SIKE1: variants seen among roughly 807,000 people sequenced by gnomAD.
The protein encoded by SIKE1 is suppressor of IKBKE 1, also known as suppressor of IKK epsilon.
Under a neutral mutation model 25.8 loss-of-function variants are expected in SIKE1, and 13 were observed. The observed-to-expected ratio is 0.50, with a 90% CI of 0.33 to 0.80. The LOEUF (loss-of-function observed/expected upper bound fraction) is 0.80, where lower values mean the gene tolerates loss of function less well. Ranked by LOEUF, SIKE1 falls within the 30% of genes least tolerant of loss-of-function variation. The pLI, the probability that SIKE1 is intolerant of heterozygous loss-of-function variation, is 0.02. For missense variants in SIKE1, 222 were observed against 252.4 expected (o/e 0.88, Z 0.82); for synonymous variants, 86 against 95.5 (o/e 0.90, Z 0.58).
intron 3 of SIKE1, among the ~76,000 whole-genome samples, chr1:114,776,919 C>T (rs1662259076): frequency 1.3e-5 from 2 of 152,030 alleles, no homozygotes; most frequent in African/African-American, 2.4e-5. Context: ...TACTATGCAG[C>T]CATAAAAAAG....
intron 4 of SIKE1, among the ~76,000 whole-genome samples, chr1:114,776,079 T>C (rs756301226): frequency 3.3e-5 from 5 of 152,186 alleles, no homozygotes; most frequent in Non-Finnish European, 5.9e-5. Flanking sequence ...TTATCTCACA[T>C]ATAACTTCTC....
chr1:114,771,595 T>C lies in SIKE1; in HGVS notation c.*2676A>G, dbSNP rs186905937. On this transcript the variant is annotated 3_prime_UTR_variant, in exon 5 of 5. Transcript: ENST00000060969. ...ATGGTAGCTATTATTGGCAATACCA[T>C]ACATACTTTGCTTTTGTGGCACCAA... The C allele has an allele frequency of 1.3e-5, 2 of 152,298 alleles. No individual in the cohort carries two copies. Among genetic ancestry groups the C allele is most frequent in the Admixed American group, 1.3e-4 (2 of 15,296 alleles). 9.4% of individuals were successfully genotyped at this position (152,298 alleles called of 1,614,324 possible).
At chr1:114,776,238 G>A in intron 4 of SIKE1, 108 bp downstream of exon 4, 1 of 715,184 alleles carries the variant, frequency 1.4e-6, no homozygotes, top group Non-Finnish European at 2.4e-6. Flanking sequence ...TTTAAATCAT[G>A]AGCACACAGA....
At position 114,780,620 on chromosome 1, in the gene SIKE1, AC is replaced by A; in HGVS notation, c.-14del. 1 of 1,591,216 alleles carries A rather than the reference AC, an allele frequency of 6.3e-7. No individual in the cohort carries two copies. Among genetic ancestry groups the A allele is most frequent in the Non-Finnish European group, 8.6e-7 (1 of 1,167,802 alleles). The stretch of plus-strand genomic sequence containing the variant: ...TGGTGCAGCTCATAGCAGCAGCACC[AC>A]CCCAGCCCCTGCCGGGCTCAGCTAC... On this transcript the variant is annotated 5_prime_UTR_variant, in exon 1 of 5. Transcript: ENST00000060969.
intron 4 of SIKE1, among the ~76,000 whole-genome samples, chr1:114,774,805 G>A (rs981485889): frequency 6.6e-6 from 1 of 152,168 alleles, no homozygotes; most frequent in African/African-American, 2.4e-5. Flanking sequence ...TGGAAGGAAA[G>A]GGGGAAAGAA....
intron 4 of SIKE1, among the ~76,000 whole-genome samples, chr1:114,775,401 A>G (rs1002856116): frequency 5.3e-5 from 8 of 151,302 alleles, no homozygotes; most frequent in Non-Finnish European, 7.4e-5. Flanking sequence ...CTTCCACTAG[A>G]CTCTGGGCAG....
At position 114,776,237 on chromosome 1, in the gene SIKE1, T is replaced by C; in HGVS notation, c.522+109A>G. 4 of 713,034 alleles carry C rather than the reference T, an allele frequency of 5.6e-6. No homozygotes were observed. The East Asian group carries it at 1.1e-4, about 19-fold the overall frequency. The allele number at this position is 713,034 out of a possible 1,614,324, so 44.2% of individuals were successfully genotyped here. A position where few individuals can be genotyped will look rare whatever the true frequency, so the allele number is the denominator to read the frequency against. On this transcript the variant is annotated intron_variant, in intron 4 of 4. Transcript: ENST00000060969. ...AAGGAGGAGTTTTAATTTTAAATCATGAGCACACAGAAAACATCAATATAT... is the reference window on the plus strand; with the variant it reads ...AAGGAGGAGTTTTAATTTTAAATCACGAGCACACAGAAAACATCAATATAT...
At position 114,770,702 on chromosome 1, in the gene SIKE1, T is replaced by C. The variant is rs1329877005; in HGVS notation, c.*3569A>G. 1 of 152,204 alleles carries C rather than the reference T, an allele frequency of 6.6e-6. No individual in the cohort carries two copies. The highest frequency in any genetic ancestry group is 1.5e-5 in the Non-Finnish European group (1 of 68,050). The allele number at this position is 152,204 out of a possible 1,614,324, so 9.4% of individuals were successfully genotyped here. ...GGATACTGGGCAGCCAAAAGAGAAA[T>C]GACAGATGTCTGCTACAGCCCATTC... On this transcript the variant is annotated 3_prime_UTR_variant, in exon 5 of 5. Coordinates refer to ENST00000060969, the MANE Select transcript of SIKE1 (RefSeq NM_025073.3).
intron 3 of SIKE1, among the ~76,000 whole-genome samples, chr1:114,777,101 T>C (rs1360887562): frequency 6.6e-6 from 1 of 152,020 alleles, no homozygotes; most frequent in Non-Finnish European, 1.5e-5. Flanking sequence ...GGGCCTGTCA[T>C]AGGGTTGGGG....
At chr1:114,775,768 A>G (rs1257222315) in intron 4 of SIKE1, among the ~76,000 whole-genome samples, 1 of 152,118 alleles carries the variant, frequency 6.6e-6, no homozygotes, top group African/African-American at 2.4e-5. Flanking sequence ...CAGCCTCTCA[A>G]AGTTGAAATG....
Position 114,772,570 on chromosome 1 carries a change from ATAT to A in SIKE1, c.*1698_*1700del, listed in dbSNP as rs1188972590. ...AACATAAAGCACATAAAGGGACACC[ATAT>A]TATACCTTGATTTGATTACTTCATC... On this transcript the variant is annotated 3_prime_UTR_variant, in exon 5 of 5. Transcript: ENST00000060969. The A allele has an allele frequency of 1.3e-5, 2 of 152,182 alleles. No individual in the cohort carries two copies. The highest frequency in any genetic ancestry group is 2.9e-5 in the Non-Finnish European group (2 of 68,020). 9.4% of individuals were successfully genotyped at this position (152,182 alleles called of 1,614,324 possible).
intron 3 of SIKE1, among the ~76,000 whole-genome samples, chr1:114,776,938 CATGT>C (rs1471132424): frequency 6.6e-6 from 1 of 152,186 alleles, no homozygotes. Context: ...AGGATGAGTT[CATGT>C]CCTTTGTAGG....
At chr1:114,780,256 C>T in intron 1 of SIKE1, 41 bp from the exon 2 acceptor site, 6 of 1,569,436 alleles carry the variant, frequency 3.8e-6, no homozygotes, top group Non-Finnish European at 5.2e-6. Flanking sequence ...TTAAAGAGAA[C>T]AGCGGCAGAT....
At chr1:114,774,638 G>C (rs147982022) in intron 4 of SIKE1, among the ~76,000 whole-genome samples, 1 of 152,124 alleles carries the variant, frequency 6.6e-6, no homozygotes, top group Non-Finnish European at 1.5e-5. Context: ...TTACAAAGGA[G>C]AAACAAAAAA....
At chr1:114,779,099 G>T (rs376979721) in intron 3 of SIKE1, 43 bp downstream of exon 3, 11 of 1,607,750 alleles carry the variant, frequency 6.8e-6, no homozygotes, top group South Asian at 5.5e-5. Flanking sequence ...ACAATCTCAA[G>T]ATTTCAATTT....
At position 114,773,921 on chromosome 1, in the gene SIKE1, C is replaced by T. The variant is rs1260732988; in HGVS notation, c.*350G>A. ...TAAAATTTCCTAGAAGTGTATTTTACAATGCTATGTAAAATAAATTGCTGG... is the reference window on the plus strand; with the variant it reads ...TAAAATTTCCTAGAAGTGTATTTTATAATGCTATGTAAAATAAATTGCTGG... On this transcript the variant is annotated 3_prime_UTR_variant, in exon 5 of 5. Coordinates refer to ENST00000060969, the MANE Select transcript of SIKE1 (RefSeq NM_025073.3). The T allele has an allele frequency of 6.1e-6, 1 of 164,690 alleles. No homozygotes were observed. The highest frequency in any genetic ancestry group is 1.3e-5 in the Non-Finnish European group (1 of 76,250). 10.2% of individuals were successfully genotyped at this position (164,690 alleles called of 1,614,324 possible). A position where few individuals can be genotyped will look rare whatever the true frequency, so the allele number is the denominator to read the frequency against.
At chr1:114,777,175 C>A (rs1662267414) in intron 3 of SIKE1, among the ~76,000 whole-genome samples, 1 of 152,012 alleles carries the variant, frequency 6.6e-6, no homozygotes, top group Non-Finnish European at 1.5e-5. Flanking sequence ...GGGTGCAGCA[C>A]ACCATCATGG....
In SIKE1 at chr1:114,780,225, T is replaced by C. The variant is rs778588667; in HGVS notation, c.160-10A>G. ...ATGCATCCTCTTGATACTGGACAAA[T>C]AGAGACAGACTAAGCATGCCTTAAA... On this transcript the variant is annotated splice_polypyrimidine_tract_variant and intron_variant, in intron 1 of 4. Transcript: ENST00000060969. 10 of 1,600,398 alleles carry C rather than the reference T, an allele frequency of 6.2e-6. No homozygotes were observed. In the Admixed American group the frequency reaches 8.5e-5, roughly 14 times the overall value.
At chr1:114,777,405 G>A (rs1662276192) in intron 3 of SIKE1, among the ~76,000 whole-genome samples, 1 of 151,916 alleles carries the variant, frequency 6.6e-6, no homozygotes. Context: ...TTCTGTTTTC[G>A]CTCTTTGCCC....
Sources: gnomAD v4.1 joint callset for allele counts (sites outside exome capture counted in the v4.1 genomes callset) on GRCh38, gnomAD v4.1.1 for gene constraint, MANE v1.5 for transcripts, NCBI Gene and HGNC (gene_info 2026-07-23, HGNC 2026-07-21) for gene names.